Variants in NRG1 observed in about 807,000 individuals in gnomAD.
NRG1 encodes neuregulin 1.
NRG1 carries 18 observed loss-of-function variants against 63.8 expected under a neutral mutation model. That is an observed-to-expected ratio of 0.28 (90% CI 0.19 to 0.42). The LOEUF (loss-of-function observed/expected upper bound fraction) is 0.42. NRG1 is among the 10% of genes least tolerant of loss of function. NRG1 has a pLI of 1.00. For missense variants in NRG1, 762 were observed against 814.7 expected (o/e 0.94, Z 0.79); for synonymous variants, 302 against 301.3 (o/e 1.00, Z -0.02).
intron 5 of NRG1, among the ~76,000 whole-genome samples, chr8:32,716,881 A>G (rs961665527): frequency 2.6e-5 from 4 of 151,816 alleles, no homozygotes; most frequent in Admixed American, 2.0e-4. Flanking sequence ...AGGATGCAGA[A>G]CCCCAATTTT....
intron 1 of NRG1, among the ~76,000 whole-genome samples, chr8:32,483,864 G>T (rs1227628729): frequency 6.6e-6 from 1 of 152,148 alleles, no homozygotes; most frequent in Non-Finnish European, 1.5e-5. Context: ...CAGCACTTTG[G>T]GGGGCCGAGG....
At chr8:32,225,370 T>C (rs1378595974) in intron 1 of NRG1, among the ~76,000 whole-genome samples, 1 of 152,166 alleles carries the variant, frequency 6.6e-6, no homozygotes, top group Non-Finnish European at 1.5e-5. Context: ...AAATAAGCCT[T>C]GTCATAGCCA....
chr8:31,748,869 A>G (rs1386034146), intron 1 of NRG1, among the ~76,000 whole-genome samples: 1 of 151,844 alleles, frequency 6.6e-6, no homozygotes, highest in Non-Finnish European at 1.5e-5. Flanking sequence ...TGATACGGGA[A>G]TCAATGTACC....
At chr8:32,009,571 TG>T (rs1283729352) in intron 1 of NRG1, among the ~76,000 whole-genome samples, 2 of 151,852 alleles carry the variant, frequency 1.3e-5, no homozygotes, top group Non-Finnish European at 2.9e-5. Flanking sequence ...GGTAGGGTTT[TG>T]GGGGGAAGAG....
At chr8:31,928,546 G>A (rs1267951264) in intron 1 of NRG1, among the ~76,000 whole-genome samples, 1 of 151,796 alleles carries the variant, frequency 6.6e-6, no homozygotes, top group African/African-American at 2.4e-5. Context: ...ACACCTGAAT[G>A]TGTATAGAAT....
intron 1 of NRG1, among the ~76,000 whole-genome samples, chr8:31,935,131 GTA>G (rs1260243853): frequency 6.6e-6 from 1 of 150,912 alleles, no homozygotes; most frequent in African/African-American, 2.4e-5. Context: ...TTTATTTTTT[GTA>G]TTTTTTTTGT....
At chr8:32,190,415 T>A (rs1168159543) in intron 1 of NRG1, among the ~76,000 whole-genome samples, 1 of 152,154 alleles carries the variant, frequency 6.6e-6, no homozygotes, top group African/African-American at 2.4e-5. Flanking sequence ...CTGAGCTTTT[T>A]CTTGAGCAAA....
At chr8:31,697,104 T>G (rs1810147214) in intron 1 of NRG1, among the ~76,000 whole-genome samples, 1 of 152,198 alleles carries the variant, frequency 6.6e-6, no homozygotes, top group Non-Finnish European at 1.5e-5. Context: ...GGAAAACTAC[T>G]GGCTCTGAAG....
chr8:32,764,463 C>T, exon 12 of NRG1: 6 of 1,317,456 alleles, frequency 4.6e-6, no homozygotes, highest in Middle Eastern at 2.2e-4. Context: ...AAGTATTCCA[C>T]CTTAAATTAA....
At chr8:31,933,675 G>C (rs1229787371) in intron 1 of NRG1, among the ~76,000 whole-genome samples, 1 of 152,276 alleles carries the variant, frequency 6.6e-6, no homozygotes, top group Non-Finnish European at 1.5e-5. Context: ...CTAAGATTCA[G>C]AACAAAATCA....
chr8:32,754,779 C>G (rs183704165), intron 8 of NRG1, among the ~76,000 whole-genome samples: 31 of 152,174 alleles, frequency 2.0e-4, no homozygotes, highest in Admixed American at 3.9e-4. Flanking sequence ...ATGAAGGCAC[C>G]TCATTCTAAA....
intron 1 of NRG1, among the ~76,000 whole-genome samples, chr8:32,298,728 A>AG (rs1855205454): frequency 8.3e-6 from 1 of 120,988 alleles, no homozygotes; most frequent in Non-Finnish European, 1.8e-5. Context: ...AAAAAAAAAA[A>AG]AAGAAAAGAA....
At chr8:31,990,141 T>A (rs1810807160) in intron 1 of NRG1, among the ~76,000 whole-genome samples, 2 of 152,088 alleles carry the variant, frequency 1.3e-5, no homozygotes, top group Admixed American at 1.3e-4. Context: ...GAAGTCACAC[T>A]TTGTGTTGTT....
chr8:32,733,259 A>G (rs959476254), intron 6 of NRG1, among the ~76,000 whole-genome samples: 1 of 152,198 alleles, frequency 6.6e-6, no homozygotes, highest in African/African-American at 2.4e-5. Context: ...CAAAAAACAA[A>G]CTAAATTTGG....
In NRG1 at chr8:32,487,174, A is replaced by G. The variant is rs112246690; in HGVS notation, c.38-108654A>G. ...ATAAAAAAAAAAAAAATAACGTAAA[A>G]CAGTGTTGGATTTTCAAACTCAAAA... On this transcript the variant is annotated intron_variant, in intron 1 of 10. Coordinates refer to the NRG1 transcript ENST00000519301. Among the ~76,000 whole-genome samples, 381 of 151,820 alleles carry G rather than the reference A, an allele frequency of 2.5e-3. 1 individual carries two copies. Among genetic ancestry groups the G allele is most frequent in the African/African-American group, 8.9e-3 (370 of 41,432 alleles).
intron 1 of NRG1, among the ~76,000 whole-genome samples, chr8:31,963,764 G>A (rs749855053): frequency 9.2e-5 from 14 of 152,012 alleles, no homozygotes; most frequent in Non-Finnish European, 1.6e-4. Flanking sequence ...CATCAAATAC[G>A]ATAAAATGAA....
chr8:31,674,448 T>C (rs1407583814), intron 1 of NRG1, among the ~76,000 whole-genome samples: 1 of 152,194 alleles, frequency 6.6e-6, no homozygotes, highest in Non-Finnish European at 1.5e-5. Context: ...TTTCAAATAC[T>C]TTCACCTAGT....
intron 1 of NRG1, among the ~76,000 whole-genome samples, chr8:31,936,992 G>A (rs990680992): frequency 2.0e-4 from 31 of 152,158 alleles, no homozygotes; most frequent in African/African-American, 6.8e-4. Flanking sequence ...AGTAAAAAAA[G>A]CATTGGGAAG....
rs376315991 is a variant in NRG1, at chr8:32,356,483, C to A, written c.38-239345C>A. Among the ~76,000 whole-genome samples the A allele has an allele frequency of 4.9e-4, 59 of 121,072 alleles. 1 individual carries two copies. Among genetic ancestry groups the A allele is most frequent in the East Asian group, 3.6e-3 (13 of 3,654 alleles). 79.4% of individuals were successfully genotyped at this position (121,072 alleles called of 152,430 possible). On this transcript the variant is annotated intron_variant, in intron 1 of 10. Transcript: ENST00000519301. ...GAGTTTCCTTGTTGGGACCCCCCCCCCACCCGCCGGGCCCCACCCCGTTGA... is the reference window on the plus strand; with the variant it reads ...GAGTTTCCTTGTTGGGACCCCCCCCACACCCGCCGGGCCCCACCCCGTTGA...
Sources: gnomAD v4.1 joint callset for allele counts (sites outside exome capture counted in the v4.1 genomes callset) on GRCh38, gnomAD v4.1.1 for gene constraint, MANE v1.5 for transcripts, NCBI Gene and HGNC (gene_info 2026-07-23, HGNC 2026-07-21) for gene names.